The following KIF16B variants were observed in gnomAD, a reference collection of about 807,000 sequenced individuals.
KIF16B encodes kinesin-like protein KIF16B.
KIF16B carries 98 observed loss-of-function variants against 156.3 expected under a neutral mutation model. The ratio of observed to expected loss-of-function variants is 0.63; its 90% CI spans 0.53 to 0.74. KIF16B has a LOEUF of 0.74. KIF16B is among the 30% of genes least tolerant of loss of function. KIF16B has a pLI of 0.00. For synonymous variants in KIF16B, 564 were observed against 583.7 expected (o/e 0.97, Z 0.49); for missense variants, 1,421 against 1,606.5 (o/e 0.88, Z 1.97).
At chr20:16,461,685 A>G (rs1321247519) in intron 12 of KIF16B, among the ~76,000 whole-genome samples, 1 of 152,228 alleles carries the variant, frequency 6.6e-6, no homozygotes, top group Non-Finnish European at 1.5e-5. Flanking sequence ...GTAATTCCCA[A>G]TTTAACACTT....
chr20:16,501,060 T>C (rs1187266022), intron 10 of KIF16B, among the ~76,000 whole-genome samples: 2 of 152,064 alleles, frequency 1.3e-5, no homozygotes, highest in Non-Finnish European at 2.9e-5. Flanking sequence ...AATAAAACCT[T>C]TAAAAAAGAA....
At chr20:16,570,019 C>T (rs1473140207) in intron 1 of KIF16B, among the ~76,000 whole-genome samples, 1 of 152,100 alleles carries the variant, frequency 6.6e-6, no homozygotes, top group Non-Finnish European at 1.5e-5. Flanking sequence ...CACACAAACA[C>T]ACAACTTTAC....
chr20:16,395,949 C>A (rs1476424602), intron 17 of KIF16B, among the ~76,000 whole-genome samples: 2 of 152,050 alleles, frequency 1.3e-5, no homozygotes, highest in African/African-American at 4.8e-5. Context: ...GCATCGAGAG[C>A]CTTAAAACTA....
intron 25 of KIF16B, among the ~76,000 whole-genome samples, chr20:16,282,313 A>G (rs2063158851): frequency 6.6e-6 from 1 of 152,066 alleles, no homozygotes; most frequent in South Asian, 2.1e-4. Context: ...GATTACAGGC[A>G]TGAGCCATCG....
chr20:16,451,190 C>A (rs770161059), intron 12 of KIF16B, among the ~76,000 whole-genome samples: 6 of 152,194 alleles, frequency 3.9e-5, no homozygotes, highest in Non-Finnish European at 8.8e-5. Flanking sequence ...TCGCATGTGG[C>A]TAATGTCTTT....
At chr20:16,453,611 G>A (rs755351744) in intron 12 of KIF16B, among the ~76,000 whole-genome samples, 27 of 151,994 alleles carry the variant, frequency 1.8e-4, no homozygotes, top group Non-Finnish European at 3.4e-4. Context: ...ATGGGAAAAC[G>A]CAATGATCAA....
chr20:16,325,350 C>T (rs1365052872), intron 24 of KIF16B, among the ~76,000 whole-genome samples: 1 of 132,188 alleles, frequency 7.6e-6, no homozygotes, highest in Non-Finnish European at 1.6e-5. Flanking sequence ...AAATCAGAAA[C>T]AGGAAGTCAA....
chr20:16,317,658 C>T (rs2063717113), intron 24 of KIF16B, among the ~76,000 whole-genome samples: 1 of 152,218 alleles, frequency 6.6e-6, no homozygotes, highest in African/African-American at 2.4e-5. Flanking sequence ...TTCAAAAGCA[C>T]TGCTACCACC....
intron 22 of KIF16B, among the ~76,000 whole-genome samples, chr20:16,360,295 G>T (rs2064527197): frequency 6.6e-6 from 1 of 152,128 alleles, no homozygotes; most frequent in Non-Finnish European, 1.5e-5. Context: ...TGATTTGAAA[G>T]TGGCTATATT....
intron 15 of KIF16B, among the ~76,000 whole-genome samples, chr20:16,426,314 T>C (rs554616471): frequency 7.2e-5 from 11 of 152,070 alleles, no homozygotes; most frequent in Admixed American, 2.6e-4. Flanking sequence ...CCTACACTTA[T>C]GTAGAGGGAC....
rs1045068812 is a variant in KIF16B, at chr20:16,526,106, C to T, written c.217G>A (p.Val73Ile). 16 of 1,581,406 alleles carry T rather than the reference C, an allele frequency of 1.0e-5. No individual in the cohort carries two copies. The highest frequency in any genetic ancestry group is 6.8e-5 in the East Asian group (3 of 44,396). The change falls in exon 3 of 26, where the codon GTT becomes ATT. Residue 73 changes from valine (V) to isoleucine (I), a missense_variant. By Grantham distance (29) the Val-to-Ile change is conservative. Coordinates refer to ENST00000354981, the MANE Select transcript of KIF16B (RefSeq NM_024704.5). The stretch of plus-strand genomic sequence containing the variant: ...ATATCATATACCATTTCTTGTGAAA[C>T]GTAATCTGGGCTTTTTGTATCAGCA... ...YSADTKSPDY[V>I]SQEMVFKTLG... is the part of the protein sequence containing the mutation.
intron 10 of KIF16B, among the ~76,000 whole-genome samples, chr20:16,498,055 G>C (rs1307404521): frequency 6.6e-6 from 1 of 152,100 alleles, no homozygotes; most frequent in Non-Finnish European, 1.5e-5. Flanking sequence ...TTAACCGCAG[G>C]CTTCTGAGAT....
intron 1 of KIF16B, among the ~76,000 whole-genome samples, chr20:16,549,535 TAGTCCTTTGGGTA>T (rs2147279939): frequency 6.6e-6 from 1 of 152,272 alleles, no homozygotes; most frequent in South Asian, 2.1e-4. Context: ...GCATGATTTA[TAGTCCTTTGGGTA>T]TATACCCAGT....
intron 10 of KIF16B, among the ~76,000 whole-genome samples, chr20:16,499,141 G>A (rs4536714): frequency 0.13 from 19,067 of 151,946 alleles, 1,334 homozygotes; most frequent in East Asian, 0.33. Context: ...TCACATAGGC[G>A]TCTGTGGGAC....
At chr20:16,376,698 G>T (rs1446634495) in intron 19 of KIF16B, among the ~76,000 whole-genome samples, 1 of 152,142 alleles carries the variant, frequency 6.6e-6, no homozygotes, top group Non-Finnish European at 1.5e-5. Flanking sequence ...CGTGGAAACT[G>T]CAATACTGTG....
intron 15 of KIF16B, among the ~76,000 whole-genome samples, chr20:16,416,674 C>T (rs1252938515): frequency 6.6e-6 from 1 of 150,904 alleles, no homozygotes; most frequent in Non-Finnish European, 1.5e-5. Context: ...CCATGGCACA[C>T]GTTTACATAT....
At chr20:16,527,477 T>C (rs1374856523) in intron 2 of KIF16B, among the ~76,000 whole-genome samples, 1 of 152,218 alleles carries the variant, frequency 6.6e-6, no homozygotes, top group African/African-American at 2.4e-5. Context: ...CCATGGAGCA[T>C]CATGTCTCAG....
intron 25 of KIF16B, among the ~76,000 whole-genome samples, chr20:16,300,812 G>C (rs2063461001): frequency 6.6e-6 from 1 of 152,054 alleles, no homozygotes; most frequent in Non-Finnish European, 1.5e-5. Flanking sequence ...ATATTTGTTA[G>C]GACTGATGAA....
intron 7 of KIF16B, among the ~76,000 whole-genome samples, chr20:16,506,783 A>G (rs2068793419): frequency 6.6e-6 from 1 of 152,152 alleles, no homozygotes; most frequent in African/African-American, 2.4e-5. Flanking sequence ...TTTTTATAGA[A>G]ATTTAAACCT....
Sources: allele counts gnomAD v4.1 joint callset (sites outside exome capture counted in the v4.1 genomes callset), GRCh38; gene constraint gnomAD v4.1.1; transcripts MANE v1.5; gene names NCBI Gene and HGNC (gene_info 2026-07-23, HGNC 2026-07-21).